The following HS3ST3A1 variants were observed in gnomAD, a reference collection of about 807,000 sequenced individuals.
The protein encoded by HS3ST3A1 is heparan sulfate glucosamine 3-O-sulfotransferase 3A1.
Under a neutral mutation model 25.7 loss-of-function variants are expected in HS3ST3A1, and 19 were observed. The observed-to-expected ratio is 0.74, with a 90% CI of 0.52 to 1.08. The LOEUF (loss-of-function observed/expected upper bound fraction) is 1.08. Among genes scored for constraint, HS3ST3A1 ranks in the 50% least tolerant of loss-of-function variants. HS3ST3A1 has a pLI of 0.00. For synonymous variants in HS3ST3A1, 226 were observed against 278.6 expected (o/e 0.81, Z 1.88); for missense variants, 459 against 594.3 (o/e 0.77, Z 2.37).
intron 1 of HS3ST3A1, among the ~76,000 whole-genome samples, chr17:13,564,750 G>C (rs1268994139): frequency 1.5e-5 from 2 of 135,408 alleles, no homozygotes; most frequent in African/African-American, 5.5e-5. Flanking sequence ...AAGAGACAGA[G>C]TCTCACTCTG....
intron 1 of HS3ST3A1, chr17:13,543,460 CACA>C (rs1459293720): frequency 6.0e-6 from 1 of 167,762 alleles, no homozygotes; most frequent in Non-Finnish European, 1.5e-5. Flanking sequence ...AATACAGTGC[CACA>C]ACTTCAACAT....
At chr17:13,527,469 A>G (rs1445062316) in intron 1 of HS3ST3A1, among the ~76,000 whole-genome samples, 1 of 152,144 alleles carries the variant, frequency 6.6e-6, no homozygotes, top group Admixed American at 6.5e-5. Flanking sequence ...GACCAAGAAG[A>G]CAGACATCAC....
chr17:13,567,581 TGG>T (rs1907705607), intron 1 of HS3ST3A1, among the ~76,000 whole-genome samples: 1 of 152,238 alleles, frequency 6.6e-6, no homozygotes, highest in African/African-American at 2.4e-5. Flanking sequence ...TTGTAATTCT[TGG>T]GAGGAGGTTA....
chr17:13,594,270 T>C (rs1888231787), intron 1 of HS3ST3A1, among the ~76,000 whole-genome samples: 1 of 152,172 alleles, frequency 6.6e-6, no homozygotes, highest in African/African-American at 2.4e-5. Context: ...ATCTGTCCTA[T>C]TTGTCCCTTT....
chr17:13,558,067 C>A (rs1907429474), intron 1 of HS3ST3A1, among the ~76,000 whole-genome samples: 1 of 152,098 alleles, frequency 6.6e-6, no homozygotes, highest in Admixed American at 6.5e-5. Context: ...ATATGTATGA[C>A]TCAGGAAAGC....
chr17:13,556,324 T>A (rs1384142761), intron 1 of HS3ST3A1, among the ~76,000 whole-genome samples: 3 of 150,384 alleles, frequency 2.0e-5, no homozygotes, highest in Non-Finnish European at 4.4e-5. Flanking sequence ...CTGGCTAACA[T>A]GGTGAAACCC....
intron 1 of HS3ST3A1, among the ~76,000 whole-genome samples, chr17:13,557,530 G>A (rs1430421265): frequency 1.3e-5 from 2 of 152,090 alleles, no homozygotes; most frequent in African/African-American, 4.8e-5. Flanking sequence ...TGTAAATATG[G>A]ACTTCATCAA....
intron 1 of HS3ST3A1, among the ~76,000 whole-genome samples, chr17:13,550,704 C>G (rs1210662789): frequency 7.0e-6 from 1 of 141,900 alleles, no homozygotes; most frequent in South Asian, 2.2e-4. Flanking sequence ...AAGGCAAACA[C>G]CAAAACAACA....
At chr17:13,502,373 G>A (rs1428985163) in intron 1 of HS3ST3A1, among the ~76,000 whole-genome samples, 1 of 152,184 alleles carries the variant, frequency 6.6e-6, no homozygotes, top group African/African-American at 2.4e-5. Context: ...GGCAAGCCAA[G>A]CACTCTAGCA....
chr17:13,511,476 G>C (rs139576547), intron 1 of HS3ST3A1, among the ~76,000 whole-genome samples: 1 of 152,038 alleles, frequency 6.6e-6, no homozygotes, highest in South Asian at 2.1e-4. Flanking sequence ...GCCTCTTGAA[G>C]TAAAAGTATC....
At chr17:13,584,768 T>C (rs967264915) in intron 1 of HS3ST3A1, among the ~76,000 whole-genome samples, 1 of 152,186 alleles carries the variant, frequency 6.6e-6, no homozygotes, top group African/African-American at 2.4e-5. Context: ...TTTATTCACG[T>C]GGATAACTAG....
At chr17:13,511,219 A>G (rs989543724) in intron 1 of HS3ST3A1, among the ~76,000 whole-genome samples, 3 of 152,224 alleles carry the variant, frequency 2.0e-5, no homozygotes, top group African/African-American at 7.2e-5. Flanking sequence ...GCATCAGCAT[A>G]GTGCAACCAG....
At chr17:13,558,385 A>G (rs1907437048) in intron 1 of HS3ST3A1, among the ~76,000 whole-genome samples, 1 of 152,108 alleles carries the variant, frequency 6.6e-6, no homozygotes, top group Non-Finnish European at 1.5e-5. Flanking sequence ...TAATATATAT[A>G]AAGTACTATG....
At chr17:13,561,084 G>A (rs921431068) in intron 1 of HS3ST3A1, among the ~76,000 whole-genome samples, 1 of 152,112 alleles carries the variant, frequency 6.6e-6, no homozygotes, top group Non-Finnish European at 1.5e-5. Context: ...GTCATCTTGG[G>A]AGCTTTTAAA....
At chr17:13,544,355 C>T (rs186032534) in intron 1 of HS3ST3A1, among the ~76,000 whole-genome samples, 1 of 152,328 alleles carries the variant, frequency 6.6e-6, no homozygotes, top group East Asian at 1.9e-4. Flanking sequence ...ATGCGATCTG[C>T]ACAAGCTGTG....
intron 1 of HS3ST3A1, among the ~76,000 whole-genome samples, chr17:13,542,583 C>G (rs1906966038): frequency 6.6e-6 from 1 of 151,970 alleles, no homozygotes; most frequent in South Asian, 2.1e-4. Context: ...TTGTTTAGGT[C>G]CCCCAGCCTG....
chr17:13,562,764 C>A lies in HS3ST3A1; in HGVS notation c.599+37767G>T, dbSNP rs1907581593. ...ATCCAGAGTCAAATATCAAGGCACC[C>A]AGCTGAGCTCCAGGAGCCAGCGTTT... is the stretch of plus-strand genomic sequence containing the variant. On this transcript the variant is annotated intron_variant, in intron 1 of 1. Transcript: ENST00000284110. Among the ~76,000 whole-genome samples, 4 of 152,228 alleles carry A rather than the reference C, an allele frequency of 2.6e-5. No homozygotes were observed. The South Asian group carries it at 8.3e-4, about 32-fold the overall frequency.
At chr17:13,526,515 T>TATATATATATATA (rs1906433513) in intron 1 of HS3ST3A1, among the ~76,000 whole-genome samples, 10 of 134,062 alleles carry the variant, frequency 7.5e-5, no homozygotes, top group Admixed American at 1.5e-4. Flanking sequence ...TATATATATA[T>TATATATATATATA]TATTGGGTTG....
intron 1 of HS3ST3A1, among the ~76,000 whole-genome samples, chr17:13,571,090 C>T (rs1907795581): frequency 6.6e-6 from 1 of 152,084 alleles, no homozygotes; most frequent in Non-Finnish European, 1.5e-5. Flanking sequence ...GTAGTTAGAA[C>T]TAGAGCCAAA....
Sources: allele counts gnomAD v4.1 joint callset (sites outside exome capture counted in the v4.1 genomes callset), GRCh38; gene constraint gnomAD v4.1.1; transcripts MANE v1.5; gene names NCBI Gene and HGNC (gene_info 2026-07-23, HGNC 2026-07-21).